Variants in AFF2 observed in about 807,000 individuals in gnomAD.
The protein encoded by AFF2 is ALF transcription elongation factor 2, also known as AF4/FMR2 family member 2.
In AFF2, 14 loss-of-function variants were observed where a neutral mutation model predicts 76.9. The ratio of observed to expected loss-of-function variants is 0.18; its 90% confidence interval spans 0.12 to 0.28. The LOEUF (loss-of-function observed/expected upper bound fraction) is 0.28. AFF2 is among the 10% of genes least tolerant of loss of function. AFF2 has a pLI of 1.00. For missense variants in AFF2, 868 were observed against 1,001.1 expected (o/e 0.87, Z 1.79); for synonymous variants, 398 against 366.7 (o/e 1.09, Z -0.98).
chrX:148,541,112 A>G (rs1260988870), intron 1 of AFF2, among the ~76,000 whole-genome samples: 1 of 112,223 alleles, frequency 8.9e-6, no homozygotes, highest in East Asian at 2.8e-4. Flanking sequence ...TAATTGTGAG[A>G]AAATATGCTA....
At chrX:148,856,810 C>A (rs2070791460) in intron 7 of AFF2, among the ~76,000 whole-genome samples, 1 of 112,379 alleles carries the variant, frequency 8.9e-6, no homozygotes, top group South Asian at 3.7e-4. Flanking sequence ...GGAACAAATT[C>A]TTTTCTTTAT....
intron 7 of AFF2, among the ~76,000 whole-genome samples, chrX:148,860,276 T>G (rs1023366272): frequency 1.8e-5 from 2 of 111,839 alleles, no homozygotes; most frequent in Non-Finnish European, 3.8e-5. Flanking sequence ...CCCCTTAAAT[T>G]TGTCTGGTTC....
Position 148,997,119 on chromosome X carries a change from C to G in AFF2, c.*5787C>G, listed in dbSNP as rs1168365633. On this transcript the variant is annotated 3_prime_UTR_variant, in exon 21 of 21. Coordinates refer to ENST00000370460, the MANE Select transcript of AFF2 (RefSeq NM_002025.4). Reference sequence around the variant, plus strand: ...GTTTTTAGTTAAAAGTATCTACTTACTGTTTTAGCTCTGAACTCAAACCAG... The same window carrying G: ...GTTTTTAGTTAAAAGTATCTACTTAGTGTTTTAGCTCTGAACTCAAACCAG... The G allele has an allele frequency of 8.9e-6, 1 of 112,253 alleles. No homozygotes were observed. Among genetic ancestry groups the G allele is most frequent in the East Asian group, 2.8e-4 (1 of 3,598 alleles). The allele number at this position is 112,253 out of a possible 1,213,427, so 9.3% of individuals were successfully genotyped here. A position where few individuals can be genotyped will look rare whatever the true frequency, so the allele number is the denominator to read the frequency against.
chrX:148,571,688 G>A (rs1164550262), intron 1 of AFF2, among the ~76,000 whole-genome samples: 1 of 111,262 alleles, frequency 9.0e-6, no homozygotes, highest in Non-Finnish European at 1.9e-5. Flanking sequence ...TCATTCTCAA[G>A]ATAGTATTAT....
intron 7 of AFF2, among the ~76,000 whole-genome samples, chrX:148,876,999 C>A (rs1432862353): frequency 1.8e-5 from 2 of 111,981 alleles, no homozygotes; most frequent in Non-Finnish European, 3.8e-5. Context: ...CTAGCCTATA[C>A]AACTGCTAAG....
At chrX:148,849,229 G>C (rs781972656) in intron 7 of AFF2, among the ~76,000 whole-genome samples, 1 of 110,189 alleles carries the variant, frequency 9.1e-6, no homozygotes, top group Admixed American at 9.7e-5. Context: ...AGATGGGTTG[G>C]CTCAGCCATC....
intron 1 of AFF2, among the ~76,000 whole-genome samples, chrX:148,586,085 A>G (rs1968160165): frequency 9.0e-6 from 1 of 110,821 alleles, no homozygotes; most frequent in African/African-American, 3.3e-5. Context: ...CCTGTGAGAA[A>G]GGTATTATTA....
chrX:148,569,264 A>C lies in AFF2; in HGVS notation c.47+68120A>C, dbSNP rs16994622. ...TTGTAAAATTTAGATAAGAAAATCT[A>C]GAAAACTCTGCATATAGAAGATGTA... On this transcript the variant is annotated intron_variant, in intron 1 of 20. Transcript: ENST00000370460. Among the ~76,000 whole-genome samples, 992 of 111,464 alleles carry C rather than the reference A, an allele frequency of 8.9e-3. 14 individuals are homozygous for C. Among genetic ancestry groups the C allele is most frequent in the African/African-American group, 0.029 (903 of 30,689 alleles).
chrX:148,610,574 G>A (rs1319881891), intron 1 of AFF2, among the ~76,000 whole-genome samples: 2 of 111,684 alleles, frequency 1.8e-5, no homozygotes, highest in African/African-American at 6.5e-5. Context: ...TAAAAGTTGT[G>A]TAGCTGCATC....
At chrX:148,971,126 G>GTTTTTT (rs142941450) in intron 15 of AFF2, among the ~76,000 whole-genome samples, 1 of 69,155 alleles carries the variant, frequency 1.4e-5, no homozygotes, top group Admixed American at 1.5e-4. Context: ...TAACTTCATT[G>GTTTTTT]TTTTTTTTTT....
intron 1 of AFF2, among the ~76,000 whole-genome samples, chrX:148,514,775 T>C (rs1557233592): frequency 8.9e-6 from 1 of 112,315 alleles, no homozygotes; most frequent in African/African-American, 3.2e-5. Context: ...GTAGTTACTG[T>C]TTTATTTGGT....
intron 4 of AFF2, among the ~76,000 whole-genome samples, chrX:148,832,100 CAGT>C (rs1484904893): frequency 1.8e-5 from 2 of 111,515 alleles, no homozygotes; most frequent in African/African-American, 6.5e-5. Context: ...TAAAGCTACT[CAGT>C]AGGATACCTT....
At chrX:148,682,551 A>C (rs782094859) in intron 3 of AFF2, among the ~76,000 whole-genome samples, 4 of 108,990 alleles carry the variant, frequency 3.7e-5, no homozygotes, top group Admixed American at 9.8e-5. Flanking sequence ...AAGTACGTAT[A>C]TCTTATGTTT....
intron 1 of AFF2, among the ~76,000 whole-genome samples, chrX:148,581,304 A>G (rs868969995): frequency 2.7e-3 from 8 of 2,944 alleles, no homozygotes; most frequent in Non-Finnish European, 6.5e-3. Context: ...GTGTACACAC[A>G]TATACGTATA....
At chrX:148,706,872 G>A (rs1450664905) in intron 3 of AFF2, among the ~76,000 whole-genome samples, 1 of 112,380 alleles carries the variant, frequency 8.9e-6, no homozygotes. Context: ...CTCTTTTTAG[G>A]ATAGATATCA....
chrX:148,723,068 C>T (rs1462778086), intron 3 of AFF2, among the ~76,000 whole-genome samples: 7 of 111,564 alleles, frequency 6.3e-5, no homozygotes, highest in African/African-American at 2.3e-4. Flanking sequence ...CCCTAATTAC[C>T]GTGGTTTTCC....
intron 9 of AFF2, among the ~76,000 whole-genome samples, chrX:148,907,194 A>C (rs1001158612): frequency 8.9e-6 from 1 of 112,320 alleles, no homozygotes; most frequent in African/African-American, 3.2e-5. Context: ...GGAACTCCAA[A>C]TAGAGTAAAG....
chrX:148,776,853 A>C (rs2069674050), intron 3 of AFF2, among the ~76,000 whole-genome samples: 1 of 111,816 alleles, frequency 8.9e-6, no homozygotes, highest in African/African-American at 3.3e-5. Context: ...GAAGCTTTTT[A>C]GTTGAATTAG....
intron 9 of AFF2, among the ~76,000 whole-genome samples, chrX:148,918,092 A>G (rs1216532968): frequency 5.3e-5 from 6 of 112,157 alleles, no homozygotes; most frequent in Admixed American, 4.7e-4. Flanking sequence ...TTTGTATGGG[A>G]CAAACTGGTT....
Sources: gnomAD v4.1 joint callset for allele counts (sites outside exome capture counted in the v4.1 genomes callset) on GRCh38, gnomAD v4.1.1 for gene constraint, MANE v1.5 for transcripts, NCBI Gene and HGNC (gene_info 2026-07-23, HGNC 2026-07-21) for gene names.